Variants in HMCN2 observed in about 807,000 individuals in gnomAD.
HMCN2 encodes the protein hemicentin-2.
Under a neutral mutation model 377.5 loss-of-function variants are expected in HMCN2, and 325 were observed. The ratio of observed to expected loss-of-function variants is 0.86; its 90% CI spans 0.79 to 0.94. The LOEUF (loss-of-function observed/expected upper bound fraction) is 0.94, where lower values mean the gene tolerates loss of function less well. HMCN2 is among the 40% of genes least tolerant of loss of function. The pLI, the probability that HMCN2 is intolerant of heterozygous loss-of-function variation, is 0.00. For synonymous variants in HMCN2, 2,007 were observed against 2,046.8 expected, an observed-to-expected ratio of 0.98 and a Z score of 0.53; for missense variants, 4,543 against 4,725.3, an observed-to-expected ratio of 0.96 and a Z score of 1.13.
At chr9:130,418,287 G>C (rs1421331871) in intron 85 of HMCN2, among the ~76,000 whole-genome samples, 1 of 152,200 alleles carries the variant, frequency 6.6e-6, no homozygotes, top group Non-Finnish European at 1.5e-5. Flanking sequence ...ATGGCCGGGC[G>C]TGGTGGCTCA....
intron 1 of HMCN2, among the ~76,000 whole-genome samples, chr9:130,277,826 CCACCACCAT>C: frequency 4.2e-5 from 1 of 24,092 alleles, no homozygotes; most frequent in Non-Finnish European, 7.6e-5. Flanking sequence ...ATCATCATCA[CCACCACCAT>C]CATCATCATC....
intron 44 of HMCN2, 64 bp downstream of exon 44, chr9:130,368,501 C>G (rs1840821733): frequency 1.4e-5 from 13 of 922,106 alleles, no homozygotes; most frequent in Non-Finnish European, 1.7e-5. Context: ...AGGCGCTGCC[C>G]TGAAATTGGA....
chr9:130,280,139 T>G (rs1296195991), intron 1 of HMCN2, among the ~76,000 whole-genome samples: 3 of 116,210 alleles, frequency 2.6e-5, no homozygotes, highest in Non-Finnish European at 5.0e-5. Context: ...TCCATAGCTG[T>G]GTGTGTGTGT....
chr9:130,408,301 A>C (rs904365847), intron 83 of HMCN2, among the ~76,000 whole-genome samples: 2 of 152,210 alleles, frequency 1.3e-5, no homozygotes, highest in Non-Finnish European at 2.9e-5. Flanking sequence ...TGAGATTAGC[A>C]TGAATCTCAT....
intron 22 of HMCN2, among the ~76,000 whole-genome samples, chr9:130,333,465 C>A (rs1291767413): frequency 6.6e-6 from 1 of 152,230 alleles, no homozygotes; most frequent in African/African-American, 2.4e-5. Context: ...ACCACTCTGA[C>A]ATCTGCGTGC....
intron 22 of HMCN2, among the ~76,000 whole-genome samples, chr9:130,330,466 T>G (rs1838369251): frequency 1.3e-5 from 2 of 152,112 alleles, no homozygotes. Context: ...ACATGGGGTG[T>G]GGGGACGTGG....
intron 29 of HMCN2, among the ~76,000 whole-genome samples, chr9:130,350,667 A>G (rs1391700612): frequency 6.6e-6 from 1 of 151,986 alleles, no homozygotes; most frequent in East Asian, 1.9e-4. Flanking sequence ...TGGGCAGATC[A>G]CGAGGTCAGG....
At chr9:130,297,294 G>A (rs1276254044) in intron 7 of HMCN2, among the ~76,000 whole-genome samples, 2 of 152,166 alleles carry the variant, frequency 1.3e-5, no homozygotes, top group Non-Finnish European at 2.9e-5. Context: ...GACTGAGGAA[G>A]GTTGGAGGAG....
At chr9:130,306,413 G>C (rs1235305759) in intron 12 of HMCN2, 143 bp downstream of exon 12, 1 of 386,114 alleles carries the variant, frequency 2.6e-6, no homozygotes, top group African/African-American at 2.1e-5. Context: ...TGAGACTCCA[G>C]AGTGAGATCA....
chr9:130,326,421 A>C (rs1172501272), intron 21 of HMCN2, among the ~76,000 whole-genome samples: 3 of 151,988 alleles, frequency 2.0e-5, no homozygotes, highest in African/African-American at 7.3e-5. Flanking sequence ...TTGCCAAAGG[A>C]CCCTAAAGGC....
chr9:130,396,774 C>A (rs1046862123), intron 73 of HMCN2, among the ~76,000 whole-genome samples: 1 of 152,178 alleles, frequency 6.6e-6, no homozygotes, highest in Non-Finnish European at 1.5e-5. Context: ...ATGTGTCCAT[C>A]CCCCATCCAA....
chr9:130,425,188 C>A, intron 89 of HMCN2, 58 bp downstream of exon 89: 3 of 1,475,020 alleles, frequency 2.0e-6, no homozygotes, highest in East Asian at 2.5e-5. Context: ...CGAAGGTGCC[C>A]GGCTCTCAAC....
intron 15 of HMCN2, among the ~76,000 whole-genome samples, chr9:130,310,588 GCTACCCAGGGATGTGAACACCAGGAGGC>G (rs1837193441): frequency 1.1e-5 from 1 of 92,370 alleles, no homozygotes; most frequent in Admixed American, 1.3e-4. Context: ...TGTGGGAGGG[GCTACCCAGGGATGTGAACACCAGGAGGC>G]GGGGGCTACC....
intron 71 of HMCN2, 122 bp downstream of exon 71, chr9:130,395,469 C>T (rs1842565151): frequency 1.2e-6 from 1 of 857,308 alleles, no homozygotes; most frequent in Admixed American, 3.9e-5. Context: ...CACTTTGCAC[C>T]CTGTTCCCCG....
At chr9:130,364,192 C>A (rs1031224870) in intron 40 of HMCN2, among the ~76,000 whole-genome samples, 2 of 152,128 alleles carry the variant, frequency 1.3e-5, no homozygotes, top group Non-Finnish European at 2.9e-5. Flanking sequence ...TTTCATTATC[C>A]CCACTTTACA....
intron 34 of HMCN2, among the ~76,000 whole-genome samples, chr9:130,357,093 GATGGA>G: frequency 1.3e-5 from 2 of 151,662 alleles, no homozygotes; most frequent in African/African-American, 4.9e-5. Context: ...TGGATGGATG[GATGGA>G]AAGGTGGATG....
At chr9:130,388,950 C>G (rs36046792) in intron 62 of HMCN2, among the ~76,000 whole-genome samples, 19,871 of 152,216 alleles carry the variant, frequency 0.13, 1,499 homozygotes, top group African/African-American at 0.2. Flanking sequence ...TCAACCCCAT[C>G]CCCCATCCAG....
chr9:130,380,483 G>A (rs71501134), intron 54 of HMCN2, among the ~76,000 whole-genome samples: 16,374 of 152,060 alleles, frequency 0.11, 904 homozygotes, highest in Middle Eastern at 0.14. Flanking sequence ...TTTCTACTTT[G>A]GTGCTTGCAA....
intron 15 of HMCN2, among the ~76,000 whole-genome samples, chr9:130,311,333 G>T (rs1298494355): frequency 6.6e-6 from 1 of 152,168 alleles, no homozygotes; most frequent in African/African-American, 2.4e-5. Context: ...GGTCTGGCCT[G>T]GGGGGGTTGT....
Sources: gnomAD v4.1 joint callset for allele counts (sites outside exome capture counted in the v4.1 genomes callset) on GRCh38, gnomAD v4.1.1 for gene constraint, MANE v1.5 for transcripts, NCBI Gene and HGNC (gene_info 2026-07-23, HGNC 2026-07-21) for gene names.